Variants in BCAS3 observed in about 807,000 individuals in gnomAD.
BCAS3 encodes the protein BCAS3 microtubule associated cell migration factor, also known as BCAS4/BCAS3 fusion.
BCAS3 carries 53 observed loss-of-function variants against 116.1 expected under a neutral mutation model. The observed-to-expected ratio is 0.46, with a 90% CI of 0.37 to 0.57. The LOEUF is 0.57. Ranked by LOEUF, BCAS3 falls within the 20% of genes least tolerant of loss-of-function variation. BCAS3 has a pLI of 0.00. For synonymous variants in BCAS3, 391 were observed against 408.2 expected (o/e 0.96, Z 0.51); for missense variants, 917 against 1,165.4 (o/e 0.79, Z 3.10).
rs1034974362 is a variant in BCAS3, at chr17:61,203,238, G to C, written c.2425+118674G>C. On this transcript the variant is annotated intron_variant, in intron 22 of 23. Coordinates refer to ENST00000407086, the MANE Select transcript of BCAS3 (RefSeq NM_017679.5). The surrounding 1 kb of genome is among the most constrained non-coding windows in gnomAD (Gnocchi z 5.7). ...AATGGCACGATCTTGGCTCACTGCA[G>C]CCTCTACTTCCTGGGTTCAAATGAT... Among the ~76,000 whole-genome samples the C allele has an allele frequency of 6.6e-6, 1 of 152,010 alleles. No individual in the cohort carries two copies. The highest frequency in any genetic ancestry group is 2.4e-5 in the African/African-American group (1 of 41,356).
chr17:61,363,856 A>T lies in BCAS3; in HGVS notation c.2426-4471A>T, dbSNP rs191959258. Among the ~76,000 whole-genome samples the T allele has an allele frequency of 3.9e-5, 6 of 152,276 alleles. 1 individual carries two copies. The highest frequency in any genetic ancestry group is 3.9e-4 in the Admixed American group (6 of 15,300). On this transcript the variant is annotated intron_variant, in intron 22 of 23. Coordinates refer to ENST00000407086, the MANE Select transcript of BCAS3 (RefSeq NM_017679.5). This position sits in a 1 kb window ranked among gnomAD's most constrained non-coding sequence, Gnocchi z 4.9. Reference sequence around the variant, plus strand: ...GGAGTGTCCCTGGGCTGGTCAGATGAATGATAGCTGTGCTGTCAACATGGA... The same window carrying T: ...GGAGTGTCCCTGGGCTGGTCAGATGTATGATAGCTGTGCTGTCAACATGGA...
At chr17:60,714,420 T>C (rs1199966206) in intron 5 of BCAS3, among the ~76,000 whole-genome samples, 1 of 152,126 alleles carries the variant, frequency 6.6e-6, no homozygotes, top group African/African-American at 2.4e-5. Flanking sequence ...ATCCCAGCAC[T>C]TTGGAGGCCA....
At chr17:60,881,196 G>A (rs1038450334) in intron 9 of BCAS3, among the ~76,000 whole-genome samples, 5 of 152,142 alleles carry the variant, frequency 3.3e-5, no homozygotes, top group African/African-American at 1.2e-4. Flanking sequence ...GGATGGTCTC[G>A]ATCTCCTGAC....
At chr17:60,788,608 C>T (rs931251541) in intron 6 of BCAS3, among the ~76,000 whole-genome samples, 1 of 152,060 alleles carries the variant, frequency 6.6e-6, no homozygotes, top group Non-Finnish European at 1.5e-5. Flanking sequence ...TGAAACAATT[C>T]AAGGTAATAT....
intron 14 of BCAS3, among the ~76,000 whole-genome samples, chr17:60,978,695 G>A (rs965074073): frequency 1.3e-5 from 2 of 152,016 alleles, no homozygotes; most frequent in African/African-American, 4.8e-5. Context: ...TGCAAGGAAG[G>A]GATCCAGTTT....
At chr17:60,710,450 G>A (rs1425819290) in intron 5 of BCAS3, among the ~76,000 whole-genome samples, 1 of 88,754 alleles carries the variant, frequency 1.1e-5, no homozygotes, top group East Asian at 3.3e-4. Flanking sequence ...TTTTTTTTTT[G>A]AGACAGAGTT....
rs2054695767 is a variant in BCAS3 at position 61,315,940 on chromosome 17, A to C, written c.2426-52387A>C. Among the ~76,000 whole-genome samples, 2 of 151,970 alleles carry C rather than the reference A, an allele frequency of 1.3e-5. No homozygotes were observed. The highest frequency in any genetic ancestry group is 1.9e-4 in the East Asian group (1 of 5,164). On this transcript the variant is annotated intron_variant, in intron 22 of 23. Transcript: ENST00000407086. The surrounding 1 kb of genome is among the most constrained non-coding windows in gnomAD (Gnocchi z 5.3). ...GTCCACCTACCTACTTCTCTATCTC[A>C]CTGAACCTCTTTAGGACCAGGATTT...
intron 22 of BCAS3, among the ~76,000 whole-genome samples, chr17:61,225,653 C>T (rs2082333265): frequency 6.6e-6 from 1 of 152,180 alleles, no homozygotes; most frequent in African/African-American, 2.4e-5. Context: ...TGTTGCTTTA[C>T]TGCTTAAAGC....
rs1209024829 is a variant in BCAS3 at position 61,258,943 on chromosome 17, C to G, written c.2426-109384C>G. Among the ~76,000 whole-genome samples the G allele has an allele frequency of 6.6e-6, 1 of 152,176 alleles. No individual in the cohort carries two copies. Among genetic ancestry groups the G allele is most frequent in the Non-Finnish European group, 1.5e-5 (1 of 68,044 alleles). On this transcript the variant is annotated intron_variant, in intron 22 of 23. Coordinates refer to ENST00000407086, the MANE Select transcript of BCAS3 (RefSeq NM_017679.5). The surrounding 1 kb of genome is among the most constrained non-coding windows in gnomAD (Gnocchi z 4.7). ...CAGATGTTGCAGTGAGCTTTGAGCT[C>G]TTGGGGATTCTTGTTTTGTTTCTGA...
intron 14 of BCAS3, among the ~76,000 whole-genome samples, chr17:60,979,980 G>A (rs1322432131): frequency 2.6e-5 from 4 of 152,016 alleles, no homozygotes; most frequent in African/African-American, 9.7e-5. Flanking sequence ...GTATTTGCCC[G>A]GCTTTGGTAT....
intron 22 of BCAS3, among the ~76,000 whole-genome samples, chr17:61,183,890 T>G (rs2079617810): frequency 6.6e-6 from 1 of 152,208 alleles, no homozygotes; most frequent in Admixed American, 6.5e-5. Flanking sequence ...GCTGGCTGGT[T>G]TGAACATTTC....
intron 19 of BCAS3, among the ~76,000 whole-genome samples, chr17:61,046,681 T>A (rs765973656): frequency 7.2e-5 from 11 of 151,856 alleles, no homozygotes; most frequent in African/African-American, 2.7e-4. Context: ...ATTTTCAGCC[T>A]GTGGTTGGTT....
chr17:60,826,662 A>G (rs553340806), intron 7 of BCAS3, among the ~76,000 whole-genome samples: 2 of 152,294 alleles, frequency 1.3e-5, no homozygotes, highest in East Asian at 3.9e-4. Context: ...TTACTACCAT[A>G]TATTTCATGT....
intron 5 of BCAS3, among the ~76,000 whole-genome samples, chr17:60,743,731 A>G (rs1161736156): frequency 6.6e-6 from 1 of 152,178 alleles, no homozygotes; most frequent in Non-Finnish European, 1.5e-5. Context: ...GATAACCTTC[A>G]TTTGCTTTCA....
chr17:61,074,951 T>C lies in BCAS3; in HGVS notation c.2061T>C (p.Thr687=). 1 of 1,613,636 alleles carries C rather than the reference T, an allele frequency of 6.2e-7. No individual in the cohort carries two copies. The highest frequency in any genetic ancestry group is 1.1e-5 in the South Asian group (1 of 91,032). Residue 687 remains threonine (T), a synonymous_variant, in exon 20 of 24, where the codon ACT becomes ACC. Transcript: ENST00000407086. Reference sequence around the variant, plus strand: ...CCCCTGGAAGTCCTGGGCCCATTACTCGACATGGGTCTTACGACAGTTTAG... The same window carrying C: ...CCCCTGGAAGTCCTGGGCCCATTACCCGACATGGGTCTTACGACAGTTTAG... The part of the protein sequence containing the change: ...LVPPGSPGPI[T]RHGSYDSLAS...
chr17:60,829,958 A>G (rs1163365353), intron 7 of BCAS3, among the ~76,000 whole-genome samples: 1 of 152,074 alleles, frequency 6.6e-6, no homozygotes. Context: ...TTCTCTTCCT[A>G]GTATTCAAAT....
intron 22 of BCAS3, among the ~76,000 whole-genome samples, chr17:61,296,473 A>G (rs1167926692): frequency 6.6e-6 from 1 of 152,154 alleles, no homozygotes; most frequent in Non-Finnish European, 1.5e-5. Flanking sequence ...CCTCTTTTTG[A>G]AAAAGGTAAT....
rs1176476320 is a variant in BCAS3, at chr17:61,279,360, G to A, written c.2426-88967G>A. ...CACACCTAATAGAACAGAAGCTCTC[G>A]CTTCTTTCTTCTCTTTCCATCAGTC... On this transcript the variant is annotated intron_variant, in intron 22 of 23. Transcript: ENST00000407086. This position sits in a 1 kb window ranked among gnomAD's most constrained non-coding sequence, Gnocchi z 4.4. 1.3e-5 allele frequency among the ~76,000 whole-genome samples: 2 copies of A among 151,790 alleles called. No individual in the cohort carries two copies. Among genetic ancestry groups the A allele is most frequent in the African/African-American group, 2.4e-5 (1 of 41,308 alleles).
chr17:61,058,992 C>A (rs2069679178), intron 19 of BCAS3, among the ~76,000 whole-genome samples: 1 of 146,798 alleles, frequency 6.8e-6, no homozygotes, highest in Non-Finnish European at 1.5e-5. Flanking sequence ...TGAATTTGAA[C>A]TCTGTCTCTG....
Sources: gnomAD v4.1 joint callset for allele counts (sites outside exome capture counted in the v4.1 genomes callset) on GRCh38, gnomAD v4.1.1 for gene constraint, Gnocchi (gnomAD v3.1) non-coding constraint, MANE v1.5 for transcripts, NCBI Gene and HGNC (gene_info 2026-07-23, HGNC 2026-07-21) for gene names.